The following KCNMA1 variants were observed in gnomAD, a reference collection of about 807,000 sequenced individuals.
KCNMA1 encodes the protein potassium calcium-activated channel subfamily M alpha 1, also known as Calcium-activated potassium channel subunit alpha-1.
Under a neutral mutation model 140.0 loss-of-function variants are expected in KCNMA1, and 29 were observed. The ratio of observed to expected loss-of-function variants is 0.21; its 90% CI spans 0.15 to 0.28. The LOEUF (loss-of-function observed/expected upper bound fraction) is 0.28, where lower values mean the gene tolerates loss of function less well. KCNMA1 is among the 10% of genes least tolerant of loss of function. KCNMA1 has a pLI of 1.00. For missense variants in KCNMA1, 880 were observed against 1,602.2 expected, an observed-to-expected ratio of 0.55 and a Z score of 7.70; for synonymous variants, 612 against 611.9, an observed-to-expected ratio of 1.00 and a Z score of 0.00.
intron 1 of KCNMA1, among the ~76,000 whole-genome samples, chr10:77,502,877 T>G (rs2044419994): frequency 6.6e-6 from 1 of 152,230 alleles, no homozygotes; most frequent in South Asian, 2.1e-4. Context: ...ATAATAAAAC[T>G]GATAATGACA....
At chr10:77,065,597 C>T (rs1355644257) in intron 14 of KCNMA1, among the ~76,000 whole-genome samples, 1 of 151,996 alleles carries the variant, frequency 6.6e-6, no homozygotes, top group Non-Finnish European at 1.5e-5. Context: ...GATGTCAATT[C>T]TCCCAAGAGA....
intron 1 of KCNMA1, among the ~76,000 whole-genome samples, chr10:77,410,430 G>T (rs1194416143): frequency 6.6e-6 from 1 of 152,334 alleles, no homozygotes; most frequent in Middle Eastern, 3.4e-3. Flanking sequence ...CCTCCCTGCT[G>T]CCTGCCTAGA....
intron 2 of KCNMA1, among the ~76,000 whole-genome samples, chr10:77,278,034 G>T (rs61657250): frequency 0.051 from 7,791 of 152,280 alleles, 193 homozygotes; most frequent in Middle Eastern, 0.11. Context: ...AGTTTCTCAA[G>T]TCTGTCCTCT....
intron 1 of KCNMA1, among the ~76,000 whole-genome samples, chr10:77,551,092 G>A (rs1363472629): frequency 2.0e-5 from 3 of 151,990 alleles, no homozygotes; most frequent in African/African-American, 4.8e-5. Context: ...TCATCCTCCC[G>A]AGTAGCTGGA....
chr10:77,521,070 T>C (rs2053220228), intron 1 of KCNMA1, among the ~76,000 whole-genome samples: 1 of 152,232 alleles, frequency 6.6e-6, no homozygotes. Context: ...TGTCAGCCTC[T>C]GCAGGAGGCA....
intron 1 of KCNMA1, among the ~76,000 whole-genome samples, chr10:77,404,280 A>G (rs183175422): frequency 6.6e-6 from 1 of 152,014 alleles, no homozygotes; most frequent in Admixed American, 6.6e-5. Flanking sequence ...ATTCTATTTT[A>G]TTTTATTTTA....
rs138913226 is a variant in KCNMA1 at position 77,012,001 on chromosome 10, A to T, written c.2058T>A (p.Asp686Glu). The change falls in exon 18 of 28, where the codon GAT (aspartate) becomes GAA (glutamate). Residue 686 changes from aspartate to glutamate, a missense_variant. Physicochemically the swap from Asp to Glu is conservative, Grantham distance 45. Around this residue, in one of 13 missense-constraint regions of KCNMA1, gnomAD observed 196 missense variants for 233.0 expected, o/e 0.84. Transcript: ENST00000286628. ...YCKACHDDIT[D>E]PKRIKKCGCK... ...AGCCACATTTTTTTATTCTTTTGGG[A>T]TCTGTGATGTCATCATGACAGGCCT... is the stretch of plus-strand genomic sequence containing the variant. The T allele has an allele frequency of 1.2e-6, 2 of 1,613,886 alleles. No homozygotes were observed. Among genetic ancestry groups the T allele is most frequent in the African/African-American group, 2.7e-5 (2 of 75,000 alleles).
At chr10:77,136,372 T>C (rs1340633008) in intron 5 of KCNMA1, among the ~76,000 whole-genome samples, 1 of 152,162 alleles carries the variant, frequency 6.6e-6, no homozygotes, top group Non-Finnish European at 1.5e-5. Flanking sequence ...ATGTCGAAAT[T>C]AAAATAGCGA....
At chr10:77,128,729 G>A (rs1313562660) in intron 5 of KCNMA1, among the ~76,000 whole-genome samples, 2 of 152,130 alleles carry the variant, frequency 1.3e-5, no homozygotes, top group Non-Finnish European at 2.9e-5. Context: ...ACAAATAGGT[G>A]TGACCATATT....
At chr10:77,422,027 G>A (rs1470105484) in intron 1 of KCNMA1, among the ~76,000 whole-genome samples, 2 of 152,234 alleles carry the variant, frequency 1.3e-5, no homozygotes, top group African/African-American at 4.8e-5. Flanking sequence ...AATGCTCACT[G>A]CATACAGCAT....
intron 1 of KCNMA1, among the ~76,000 whole-genome samples, chr10:77,438,819 G>A (rs1403322799): frequency 6.6e-6 from 1 of 152,088 alleles, no homozygotes; most frequent in Non-Finnish European, 1.5e-5. Context: ...GCTCATGCCT[G>A]TAATCCCAGC....
rs1264284274 is a variant in KCNMA1 at position 77,577,112 on chromosome 10, T to C, written c.378+60153A>G. On this transcript the variant is annotated intron_variant, in intron 1 of 27. Coordinates refer to ENST00000286628, the MANE Select transcript of KCNMA1 (RefSeq NM_001161352.2). ...CCTACACACTCTCTTTTTTTTTCTT[T>C]CCTCGGCTCACTGCAACCTCTGCCT... Among the ~76,000 whole-genome samples the C allele has an allele frequency of 3.3e-5, 5 of 151,404 alleles. 1 individual carries two copies. The highest frequency in any genetic ancestry group is 4.2e-4 in the South Asian group (2 of 4,774).
At chr10:77,385,087 T>TA (rs1483757168) in intron 2 of KCNMA1, among the ~76,000 whole-genome samples, 1 of 152,242 alleles carries the variant, frequency 6.6e-6, no homozygotes, top group African/African-American at 2.4e-5. Context: ...ATACTCAATG[T>TA]GTTTATACAT....
At chr10:77,209,347 G>C (rs192720352) in intron 3 of KCNMA1, among the ~76,000 whole-genome samples, 1 of 152,136 alleles carries the variant, frequency 6.6e-6, no homozygotes, top group East Asian at 1.9e-4. Context: ...AATAACCTGA[G>C]GTAATGGAAA....
intron 14 of KCNMA1, among the ~76,000 whole-genome samples, chr10:77,045,548 C>G (rs564704655): frequency 6.6e-6 from 1 of 152,346 alleles, no homozygotes; most frequent in South Asian, 2.1e-4. Context: ...ACCTCCCAAG[C>G]AAATGGTTTC....
intron 1 of KCNMA1, among the ~76,000 whole-genome samples, chr10:77,434,697 A>G (rs1394672630): frequency 6.6e-6 from 1 of 152,134 alleles, no homozygotes; most frequent in African/African-American, 2.4e-5. Context: ...CTGGAAATAC[A>G]AGGACGATAA....
chr10:76,990,962 C>T (rs2082575187), intron 19 of KCNMA1, among the ~76,000 whole-genome samples: 1 of 152,140 alleles, frequency 6.6e-6, no homozygotes, highest in Non-Finnish European at 1.5e-5. Context: ...AGACATTCAG[C>T]TTTTGGATAC....
chr10:77,001,853 G>A (rs1474350165), intron 18 of KCNMA1, among the ~76,000 whole-genome samples: 2 of 152,160 alleles, frequency 1.3e-5, no homozygotes, highest in South Asian at 2.1e-4. Context: ...ACAGGAAAAG[G>A]GCATGGCTGA....
At chr10:77,495,846 C>A (rs184161043) in intron 1 of KCNMA1, among the ~76,000 whole-genome samples, 101 of 152,280 alleles carry the variant, frequency 6.6e-4, no homozygotes, top group East Asian at 3.5e-3. Context: ...CCCTCCATTC[C>A]CTCAGAGGAA....
Sources: gnomAD v4.1 joint callset for allele counts (sites outside exome capture counted in the v4.1 genomes callset) on GRCh38, gnomAD v4.1.1 for gene constraint, gnomAD v4.1.1 regional missense constraint, MANE v1.5 for transcripts, NCBI Gene and HGNC (gene_info 2026-07-23, HGNC 2026-07-21) for gene names.